The following NALF1 variants were observed in gnomAD, a reference collection of about 807,000 sequenced individuals.
NALF1 encodes NALCN channel auxiliary factor 1, also known as family with sequence similarity 155 member A.
NALF1 carries 3 observed loss-of-function variants against 48.4 expected under a neutral mutation model. The observed-to-expected ratio is 0.06, with a 90% CI of 0.03 to 0.16. The LOEUF (loss-of-function observed/expected upper bound fraction) is 0.16. NALF1 is among the 10% of genes least tolerant of loss of function. NALF1 has a pLI of 1.00. For missense variants in NALF1, 526 were observed against 571.5 expected (o/e 0.92, Z 0.81); for synonymous variants, 262 against 245.7 (o/e 1.07, Z -0.62).
intron 1 of NALF1, among the ~76,000 whole-genome samples, chr13:107,574,526 T>G (rs1377267567): frequency 6.6e-6 from 1 of 152,330 alleles, no homozygotes; most frequent in African/African-American, 2.4e-5. Context: ...ACAAGTGATC[T>G]TGTGCAATGA....
At chr13:107,371,163 T>C (rs1018362573) in intron 1 of NALF1, among the ~76,000 whole-genome samples, 6 of 152,180 alleles carry the variant, frequency 3.9e-5, no homozygotes, top group Non-Finnish European at 7.3e-5. Flanking sequence ...TTTTGAGATA[T>C]TGGCCAGGCA....
rs577922066 is a variant in NALF1 at position 107,180,785 on chromosome 13, A to G, written c.1088-9999T>C. On this transcript the variant is annotated intron_variant, in intron 2 of 2. Transcript: ENST00000375915. ...CAAGTGAGATTATATAAAAATATAT[A>G]TAGTGATAGTTTTAGAAAGAGCAAT... is the stretch of plus-strand genomic sequence containing the variant. Among the ~76,000 whole-genome samples the G allele has an allele frequency of 2.0e-5, 3 of 151,930 alleles. No homozygotes were observed. In the East Asian group the frequency reaches 5.8e-4, roughly 29 times the overall value.
intron 2 of NALF1, among the ~76,000 whole-genome samples, chr13:107,189,387 A>G (rs1042344754): frequency 6.0e-4 from 92 of 152,220 alleles, no homozygotes; most frequent in African/African-American, 2.1e-3. Context: ...AAAAAAATGG[A>G]CAAAGAAATG....
chr13:107,209,498 C>CA lies in NALF1; in HGVS notation c.1087+1085dup, dbSNP rs61177208. On this transcript the variant is annotated intron_variant, in intron 2 of 2. Coordinates refer to ENST00000375915, the MANE Select transcript of NALF1 (RefSeq NM_001080396.3). ...GGTGACACAGAGCGAGACTCCATCT[C>CA]AAAAAAAAAAAAAGAAAGAAATACT... 8.5e-3 allele frequency among the ~76,000 whole-genome samples: 1,213 copies of CA among 142,820 alleles called. 12 individuals carry two copies. Among genetic ancestry groups the CA allele is most frequent in the Middle Eastern group, 0.04 (11 of 276 alleles). 93.7% of individuals were successfully genotyped at this position (142,820 alleles called of 152,430 possible).
intron 1 of NALF1, among the ~76,000 whole-genome samples, chr13:107,719,942 T>G (rs16970985): frequency 0.076 from 11,498 of 152,078 alleles, 514 homozygotes; most frequent in South Asian, 0.14. Context: ...TCCTCAATAA[T>G]CACCGTTCCC....
chr13:107,698,757 A>G (rs761537742), intron 1 of NALF1, among the ~76,000 whole-genome samples: 14 of 152,064 alleles, frequency 9.2e-5, no homozygotes, highest in Non-Finnish European at 1.6e-4. Flanking sequence ...ACCACTTTAT[A>G]GCTAAGTGTG....
chr13:107,205,217 C>G (rs2138798868), intron 2 of NALF1, among the ~76,000 whole-genome samples: 1 of 151,090 alleles, frequency 6.6e-6, no homozygotes, highest in East Asian at 2.0e-4. Flanking sequence ...TCCATGTGAT[C>G]TCATTGTTCA....
chr13:107,303,605 T>C (rs1594111639), intron 1 of NALF1, among the ~76,000 whole-genome samples: 2 of 152,192 alleles, frequency 1.3e-5, no homozygotes, highest in African/African-American at 4.8e-5. Flanking sequence ...CCATCCCCTG[T>C]TTTCATTATT....
intron 1 of NALF1, among the ~76,000 whole-genome samples, chr13:107,519,292 T>C (rs749243743): frequency 2.2e-4 from 33 of 151,978 alleles, no homozygotes; most frequent in Non-Finnish European, 2.9e-5. Flanking sequence ...ACAATAAAGT[T>C]GTATTGTGCA....
chr13:107,536,127 G>C (rs959175341), intron 1 of NALF1, among the ~76,000 whole-genome samples: 23 of 152,158 alleles, frequency 1.5e-4, no homozygotes, highest in Non-Finnish European at 1.6e-4. Flanking sequence ...AAAAATCCTA[G>C]AAGAAAACCT....
chr13:107,638,150 A>T (rs910907167), intron 1 of NALF1, among the ~76,000 whole-genome samples: 1 of 122,420 alleles, frequency 8.2e-6, no homozygotes, highest in African/African-American at 2.7e-5. Context: ...CTATATATGA[A>T]AGCACTTGGA....
chr13:107,643,054 G>A (rs909091218), intron 1 of NALF1, among the ~76,000 whole-genome samples: 6 of 152,116 alleles, frequency 3.9e-5, no homozygotes, highest in Non-Finnish European at 7.3e-5. Context: ...AAGAGCAGGC[G>A]TATGTCATCA....
intron 1 of NALF1, among the ~76,000 whole-genome samples, chr13:107,368,096 G>A (rs1312790605): frequency 6.6e-6 from 1 of 152,006 alleles, no homozygotes; most frequent in African/African-American, 2.4e-5. Context: ...TCATAATTTG[G>A]CTCTTTATAC....
intron 1 of NALF1, among the ~76,000 whole-genome samples, chr13:107,314,087 G>T (rs564450028): frequency 6.6e-6 from 1 of 152,134 alleles, no homozygotes; most frequent in Admixed American, 6.6e-5. Flanking sequence ...ATTAGAACAA[G>T]GAAACCAAAA....
chr13:107,760,545 T>G (rs1350854788), intron 1 of NALF1, among the ~76,000 whole-genome samples: 1 of 152,210 alleles, frequency 6.6e-6, no homozygotes, highest in East Asian at 1.9e-4. Flanking sequence ...TGCTAGTTCT[T>G]AAGTGGACCC....
At chr13:107,865,577 A>G in intron 1 of NALF1, 105 bp downstream of exon 1, 2 of 1,457,608 alleles carry the variant, frequency 1.4e-6, no homozygotes, top group Non-Finnish European at 1.8e-6. Context: ...AACACAAAGT[A>G]ACAAAACCAT....
intron 1 of NALF1, among the ~76,000 whole-genome samples, chr13:107,280,108 TA>T (rs1166498446): frequency 6.6e-6 from 1 of 152,124 alleles, no homozygotes; most frequent in Non-Finnish European, 1.5e-5. Context: ...GCTAGTTTAT[TA>T]TTCTATATAT....
intron 1 of NALF1, among the ~76,000 whole-genome samples, chr13:107,616,585 T>C (rs1335420141): frequency 2.6e-5 from 4 of 152,210 alleles, no homozygotes; most frequent in Middle Eastern, 3.2e-3. Flanking sequence ...GCTACAAGAT[T>C]GAATTCAGAT....
chr13:107,190,967 G>GT (rs1490903273), intron 2 of NALF1, among the ~76,000 whole-genome samples: 1 of 152,182 alleles, frequency 6.6e-6, no homozygotes, highest in Non-Finnish European at 1.5e-5. Flanking sequence ...GAAAGCTGTA[G>GT]TTATGCATAT....
Sources: gnomAD v4.1 joint callset for allele counts (sites outside exome capture counted in the v4.1 genomes callset) on GRCh38, gnomAD v4.1.1 for gene constraint, MANE v1.5 for transcripts, NCBI Gene and HGNC (gene_info 2026-07-23, HGNC 2026-07-21) for gene names.